The following PACC1 variants were observed in gnomAD, a reference collection of about 807,000 sequenced individuals.
PACC1 encodes the protein proton-activated chloride channel.
PACC1 carries 34 observed loss-of-function variants against 39.7 expected under a neutral mutation model. The observed-to-expected ratio is 0.86, with a 90% CI of 0.65 to 1.14. The LOEUF is 1.14. PACC1 is among the 50% of genes most tolerant of loss of function. The pLI, the probability that PACC1 is intolerant of heterozygous loss-of-function variation, is 0.00. For synonymous variants in PACC1, 127 were observed against 160.6 expected (o/e 0.79, Z 1.58); for missense variants, 379 against 436.4 (o/e 0.87, Z 1.17).
chr1:212,368,197 T>A (rs969622603), intron 7 of PACC1, among the ~76,000 whole-genome samples: 3 of 152,170 alleles, frequency 2.0e-5, no homozygotes. Context: ...ACAGCTGCAG[T>A]GACTGACTAC....
rs971766447 is a variant in PACC1 at position 212,386,488 on chromosome 1, C to T, written c.343+403G>A. Among the ~76,000 whole-genome samples, 4 of 152,138 alleles carry T rather than the reference C, an allele frequency of 2.6e-5. No individual in the cohort carries two copies. The highest frequency in any genetic ancestry group is 6.5e-5 in the Admixed American group (1 of 15,292). Reference sequence around the variant, plus strand: ...TCCAGCCTTGACTCCTGCTTCTCCTCATCCCTGCCCTCTGGCCCCAGCCAA... The same window carrying T: ...TCCAGCCTTGACTCCTGCTTCTCCTTATCCCTGCCCTCTGGCCCCAGCCAA... On this transcript the variant is annotated intron_variant, in intron 3 of 7. Coordinates refer to ENST00000261455, the MANE Select transcript of PACC1 (RefSeq NM_018252.3). This position sits in a 1 kb window ranked among gnomAD's most constrained non-coding sequence, Gnocchi z 5.0.
rs887298632 is a variant in PACC1 at position 212,379,942 on chromosome 1, G to A, written c.591C>T (p.Ser197=). The A allele has an allele frequency of 1.5e-5, 24 of 1,614,084 alleles. No homozygotes were observed. Among genetic ancestry groups the A allele is most frequent in the South Asian group, 5.5e-5 (5 of 91,086 alleles). ...FRLNKSSEDF[S]AIDYLLFSSF... ...AAGAGAAGAGGAGGTAATCAATGGC[G>A]CTGAAGTCCTCACTACTCTTGTTCA... is the stretch of plus-strand genomic sequence containing the variant. Residue 197 remains serine, a synonymous_variant, in exon 5 of 8, where the codon AGC becomes AGT. Transcript: ENST00000261455.
intron 6 of PACC1, among the ~76,000 whole-genome samples, chr1:212,376,556 A>AT (rs1476763750): frequency 1.3e-5 from 2 of 152,228 alleles, no homozygotes; most frequent in African/African-American, 4.8e-5. Flanking sequence ...GTGGGGCCAG[A>AT]TAAGAAAGGA....
intron 4 of PACC1, among the ~76,000 whole-genome samples, chr1:212,384,827 G>A (rs1190621523): frequency 2.6e-5 from 4 of 152,200 alleles, no homozygotes; most frequent in Non-Finnish European, 5.9e-5. Context: ...CCTTTACGCT[G>A]GCGTATTAAT....
intron 2 of PACC1, among the ~76,000 whole-genome samples, chr1:212,392,496 T>G (rs1211264849): frequency 6.6e-6 from 1 of 152,124 alleles, no homozygotes; most frequent in East Asian, 1.9e-4. Context: ...CATGCTAAAT[T>G]GTAAAGACCA....
At chr1:212,400,071 C>T (rs763896571) in intron 2 of PACC1, among the ~76,000 whole-genome samples, 4 of 152,070 alleles carry the variant, frequency 2.6e-5, no homozygotes, top group Admixed American at 6.6e-5. Context: ...GTCTCAAACT[C>T]CTGACCTCAG....
chr1:212,382,687 G>C (rs1382846736), intron 4 of PACC1, among the ~76,000 whole-genome samples: 2 of 152,216 alleles, frequency 1.3e-5, no homozygotes, highest in East Asian at 3.8e-4. Flanking sequence ...CAGGAGGCAG[G>C]TAAGAAGCCG....
At chr1:212,385,489 A>G in intron 3 of PACC1, 64 bp from the exon 4 acceptor site, 3 of 1,560,208 alleles carry the variant, frequency 1.9e-6, no homozygotes, top group Non-Finnish European at 2.6e-6. Flanking sequence ...CCCTGAAATC[A>G]TCTCACACCT....
chr1:212,367,118 T>A (rs917359401), intron 7 of PACC1, among the ~76,000 whole-genome samples: 1 of 152,052 alleles, frequency 6.6e-6, no homozygotes, highest in Non-Finnish European at 1.5e-5. Flanking sequence ...TTAGAGGAGG[T>A]GGAGCCAGAT....
intron 2 of PACC1, among the ~76,000 whole-genome samples, chr1:212,401,572 G>A (rs147166131): frequency 0.053 from 7,549 of 141,650 alleles, 306 homozygotes; most frequent in Admixed American, 0.11. Context: ...GTTGCAATGA[G>A]CCGAGACGGC....
At chr1:212,413,779 GAAGGCAGGGCCTC>G (rs1662221763) in intron 1 of PACC1, 2 of 1,127,602 alleles carry the variant, frequency 1.8e-6, no homozygotes, top group Non-Finnish European at 2.4e-6. Context: ...GCTCCGAGGT[GAAGGCAGGGCCTC>G]AAGGCAAATC....
intron 2 of PACC1, among the ~76,000 whole-genome samples, chr1:212,397,166 C>T (rs1285179107): frequency 6.6e-6 from 1 of 151,590 alleles, no homozygotes; most frequent in Admixed American, 6.6e-5. Flanking sequence ...GTGAGTAAAA[C>T]AAAAAGCTAC....
chr1:212,378,753 T>C (rs373334683), intron 5 of PACC1, among the ~76,000 whole-genome samples: 3 of 152,228 alleles, frequency 2.0e-5, no homozygotes, highest in African/African-American at 2.4e-5. Flanking sequence ...AGAGATGCAG[T>C]AGACCCTTGA....
chr1:212,401,421 T>C (rs1214315051), intron 2 of PACC1, among the ~76,000 whole-genome samples: 1 of 151,480 alleles, frequency 6.6e-6, no homozygotes, highest in Non-Finnish European at 1.5e-5. Flanking sequence ...AGGTCAGGAG[T>C]TCGAGAACAG....
chr1:212,380,679 A>G (rs1415878599), intron 4 of PACC1, among the ~76,000 whole-genome samples: 2 of 152,070 alleles, frequency 1.3e-5, no homozygotes, highest in Non-Finnish European at 2.9e-5. Context: ...TGCAGAACCA[A>G]TATCTATGTC....
intron 1 of PACC1, among the ~76,000 whole-genome samples, chr1:212,412,141 CAA>C (rs1319956986): frequency 7.8e-6 from 1 of 128,668 alleles, no homozygotes; most frequent in Non-Finnish European, 1.7e-5. Flanking sequence ...AACTCAGTCT[CAA>C]AAAAAAAAAA....
At chr1:212,407,824 C>T (rs141005635) in intron 2 of PACC1, among the ~76,000 whole-genome samples, 2,751 of 152,230 alleles carry the variant, frequency 0.018, 42 homozygotes, top group Non-Finnish European at 0.028. Context: ...CCTGTAATCC[C>T]AGCACTTTGG....
chr1:212,383,772 G>C (rs371075056), intron 4 of PACC1, among the ~76,000 whole-genome samples: 1 of 152,216 alleles, frequency 6.6e-6, no homozygotes, highest in Non-Finnish European at 1.5e-5. Context: ...GAGTTTTCCA[G>C]TGTGTTTTAC....
intron 1 of PACC1, among the ~76,000 whole-genome samples, chr1:212,413,174 TCAGA>T (rs1662197590): frequency 6.6e-6 from 1 of 152,084 alleles, no homozygotes; most frequent in African/African-American, 2.4e-5. Flanking sequence ...CAGACTCCTT[TCAGA>T]CAAAGGAAAC....
Sources: gnomAD v4.1 joint callset for allele counts (sites outside exome capture counted in the v4.1 genomes callset) on GRCh38, gnomAD v4.1.1 for gene constraint, Gnocchi (gnomAD v3.1) non-coding constraint, MANE v1.5 for transcripts, NCBI Gene and HGNC (gene_info 2026-07-23, HGNC 2026-07-21) for gene names.